CAPN8: variants seen among roughly 807,000 people sequenced by gnomAD.
CAPN8 encodes calpain-8.
Under a neutral mutation model 80.9 loss-of-function variants are expected in CAPN8, and 87 were observed. That is an observed-to-expected ratio of 1.07 (90% CI 0.90 to 1.28). CAPN8 has a LOEUF of 1.28. Ranked by LOEUF, CAPN8 falls within the 50% of genes most tolerant of loss-of-function variation. The pLI is 0.00. For missense variants in CAPN8, 757 were observed against 702.0 expected (o/e 1.08, Z -0.89); for synonymous variants, 299 against 273.8 (o/e 1.09, Z -0.91).
chr1:223,641,276 A>G (rs893547514), intron 2 of CAPN8, among the ~76,000 whole-genome samples: 4 of 152,168 alleles, frequency 2.6e-5, no homozygotes, highest in South Asian at 2.1e-4. Flanking sequence ...CAACTATTAC[A>G]TAAGTATCAT....
intron 20 of CAPN8, among the ~76,000 whole-genome samples, 162 bp downstream of exon 20, chr1:223,542,946 T>C (rs1165948459): frequency 6.6e-6 from 1 of 152,198 alleles, no homozygotes; most frequent in Non-Finnish European, 1.5e-5. Flanking sequence ...GAAAACTGTA[T>C]AACAGTTGCC....
chr1:223,647,735 A>C (rs560919928), intron 2 of CAPN8, among the ~76,000 whole-genome samples: 2 of 152,316 alleles, frequency 1.3e-5, no homozygotes, highest in South Asian at 4.2e-4. Context: ...CAGACAAAAA[A>C]TAGGGCCATA....
chr1:223,632,304 T>C (rs562652044), intron 2 of CAPN8, among the ~76,000 whole-genome samples: 31 of 152,360 alleles, frequency 2.0e-4, no homozygotes, highest in African/African-American at 7.0e-4. Flanking sequence ...TACTCTGCTG[T>C]TCACATTTAG....
chr1:223,613,384 C>T (rs537839316), intron 10 of CAPN8, among the ~76,000 whole-genome samples: 2 of 152,338 alleles, frequency 1.3e-5, no homozygotes, highest in African/African-American at 4.8e-5. Flanking sequence ...GGCCTAATAG[C>T]CTTTACACAC....
At chr1:223,652,187 A>G (rs1042447311) in intron 2 of CAPN8, among the ~76,000 whole-genome samples, 1 of 152,042 alleles carries the variant, frequency 6.6e-6, no homozygotes, top group African/African-American at 2.4e-5. Flanking sequence ...AAAAACTACA[A>G]AAAAATTAGC....
intron 13 of CAPN8, among the ~76,000 whole-genome samples, chr1:223,555,519 C>T (rs1475349491): frequency 1.3e-5 from 2 of 152,174 alleles, no homozygotes; most frequent in African/African-American, 2.4e-5. Flanking sequence ...TCTCATCACA[C>T]ATATATGATT....
At chr1:223,665,090 C>T (rs1349471513) in intron 1 of CAPN8, among the ~76,000 whole-genome samples, 2 of 151,752 alleles carry the variant, frequency 1.3e-5, no homozygotes. Context: ...CCCATCTCTA[C>T]TAAAAATACA....
chr1:223,549,283 A>T (rs1387300868), intron 16 of CAPN8, 35 bp downstream of exon 16: 12 of 111,436 alleles, frequency 1.1e-4, no homozygotes, highest in South Asian at 2.6e-4. Context: ...GGACGAAAGT[A>T]AAAAAAAAAA....
intron 2 of CAPN8, among the ~76,000 whole-genome samples, chr1:223,646,344 C>T (rs577639877): frequency 3.3e-5 from 5 of 152,336 alleles, no homozygotes; most frequent in East Asian, 3.9e-4. Flanking sequence ...CCTTGGATGG[C>T]GGGAGCCAGC....
chr1:223,645,187 G>A (rs1035416257), intron 2 of CAPN8, among the ~76,000 whole-genome samples: 31 of 152,244 alleles, frequency 2.0e-4, no homozygotes, highest in Non-Finnish European at 2.8e-4. Context: ...AGCATCCAGC[G>A]CAGAAGAAAG....
intron 1 of CAPN8, among the ~76,000 whole-genome samples, chr1:223,661,319 AG>A (rs1367324362): frequency 3.3e-5 from 5 of 152,194 alleles, no homozygotes; most frequent in African/African-American, 1.2e-4. Context: ...CACACCCATT[AG>A]AATGGCTACT....
chr1:223,663,966 A>T (rs1181525849), intron 1 of CAPN8, among the ~76,000 whole-genome samples: 4 of 152,248 alleles, frequency 2.6e-5, no homozygotes, highest in African/African-American at 9.6e-5. Context: ...TTTAGAAGAC[A>T]AAAGGTGCCC....
chr1:223,553,282 G>T (rs988544496), intron 14 of CAPN8, among the ~76,000 whole-genome samples: 2 of 152,256 alleles, frequency 1.3e-5, no homozygotes, highest in Non-Finnish European at 1.5e-5. Flanking sequence ...ATCAGGGGTC[G>T]CTTCTTTCTC....
Position 223,545,177 on chromosome 1 carries a change from T to C in CAPN8, c.1833+54A>G, listed in dbSNP as rs1656586656. On this transcript the variant is annotated intron_variant, in intron 17 of 20. Coordinates refer to ENST00000366872, the MANE Select transcript of CAPN8 (RefSeq NM_001143962.2). ...CAGAATACAATGGACCAGGAATGAG[T>C]GTAAGGGAGGATTAGAACAGAGGAG... 1.8e-5 allele frequency: 28 copies of C among 1,551,070 alleles called. No homozygotes were observed. In the South Asian group the frequency reaches 3.3e-4, roughly 18 times the overall value.
At chr1:223,544,669 G>A in intron 18 of CAPN8, 103 bp downstream of exon 18, 1 of 1,494,134 alleles carries the variant, frequency 6.7e-7, no homozygotes, top group East Asian at 2.5e-5. Context: ...TCCCATATAA[G>A]AAAGCTACAA....
At chr1:223,610,661 ATT>A (rs566445524) in intron 11 of CAPN8, among the ~76,000 whole-genome samples, 1 of 152,220 alleles carries the variant, frequency 6.6e-6, no homozygotes, top group South Asian at 2.1e-4. Context: ...GAGAAGTCCT[ATT>A]TGGGGGCCAG....
intron 2 of CAPN8, among the ~76,000 whole-genome samples, chr1:223,643,932 C>A (rs1273986803): frequency 3.3e-5 from 5 of 152,172 alleles, no homozygotes; most frequent in Admixed American, 3.3e-4. Context: ...AAAATCTAGA[C>A]TTCTGATTTC....
chr1:223,547,367 C>T (rs556460080), intron 16 of CAPN8, among the ~76,000 whole-genome samples: 15 of 152,256 alleles, frequency 9.9e-5, no homozygotes, highest in Non-Finnish European at 2.2e-4. Flanking sequence ...CAAAGGACCA[C>T]ATATTGTATA....
chr1:223,639,003 G>A (rs1418896216), intron 2 of CAPN8, among the ~76,000 whole-genome samples: 1 of 152,214 alleles, frequency 6.6e-6, no homozygotes, highest in Non-Finnish European at 1.5e-5. Flanking sequence ...ACTTTGGGAG[G>A]CCAAGGTGGG....
Sources: allele counts gnomAD v4.1 joint callset (sites outside exome capture counted in the v4.1 genomes callset), GRCh38; gene constraint gnomAD v4.1.1; transcripts MANE v1.5; gene names NCBI Gene and HGNC (gene_info 2026-07-23, HGNC 2026-07-21).